The following AK5 variants were observed in gnomAD, a reference collection of about 807,000 sequenced individuals.
AK5 encodes adenylate kinase 5, also known as adenylate kinase isoenzyme 5.
A neutral mutation model predicts 69.5 loss-of-function variants in AK5; 27 were observed. The observed-to-expected ratio is 0.39, with a 90% confidence interval of 0.29 to 0.54. The LOEUF (loss-of-function observed/expected upper bound fraction) is 0.54, where lower values mean the gene tolerates loss of function less well. Ranked by LOEUF, AK5 falls within the 20% of genes least tolerant of loss-of-function variation. The probability of loss-of-function intolerance (pLI) is 0.71; values close to 1 mark genes in which losing one functional copy is unlikely to be tolerated. For missense variants in AK5, 531 were observed against 700.4 expected, an observed-to-expected ratio of 0.76 and a Z score of 2.73; for synonymous variants, 260 against 244.4, an observed-to-expected ratio of 1.06 and a Z score of -0.60.
At chr1:77,337,627 AG>A (rs1372452782) in intron 5 of AK5, among the ~76,000 whole-genome samples, 1 of 152,206 alleles carries the variant, frequency 6.6e-6, no homozygotes, top group Non-Finnish European at 1.5e-5. Flanking sequence ...CTTTAACTTC[AG>A]GTAATCTCTT....
chr1:77,483,838 A>G (rs954446513), intron 9 of AK5, among the ~76,000 whole-genome samples: 8 of 152,196 alleles, frequency 5.3e-5, no homozygotes, highest in African/African-American at 1.9e-4. Flanking sequence ...CTACACCAGG[A>G]TTATACTGCT....
intron 13 of AK5, among the ~76,000 whole-genome samples, chr1:77,554,721 T>C (rs1659989650): frequency 6.6e-6 from 1 of 151,542 alleles, no homozygotes; most frequent in Non-Finnish European, 1.5e-5. Context: ...TTCTCCTGCC[T>C]GAGCCTCCCG....
intron 5 of AK5, chr1:77,313,905 G>A: frequency 1.9e-6 from 1 of 528,208 alleles, no homozygotes; most frequent in South Asian, 1.4e-5. Context: ...GACACAGCCT[G>A]TAAGAAAGCA....
intron 8 of AK5, among the ~76,000 whole-genome samples, chr1:77,476,250 T>C (rs1476263692): frequency 6.6e-6 from 1 of 151,036 alleles, no homozygotes; most frequent in East Asian, 1.9e-4. Context: ...GGGGTGTAAC[T>C]AAATTACACA....
intron 8 of AK5, among the ~76,000 whole-genome samples, chr1:77,478,146 C>G (rs1655058951): frequency 6.6e-6 from 1 of 152,158 alleles, no homozygotes; most frequent in Non-Finnish European, 1.5e-5. Context: ...CTCAGAATCT[C>G]AACTACAAGT....
At chr1:77,378,713 G>GA (rs1003681637) in intron 6 of AK5, among the ~76,000 whole-genome samples, 1 of 152,120 alleles carries the variant, frequency 6.6e-6, no homozygotes, top group Admixed American at 6.5e-5. Context: ...GAGAATATGT[G>GA]AAAAAAATAT....
At chr1:77,537,890 T>G (rs771520776) in intron 13 of AK5, among the ~76,000 whole-genome samples, 35 of 152,184 alleles carry the variant, frequency 2.3e-4, no homozygotes, top group Non-Finnish European at 4.3e-4. Context: ...CCCAGCACTG[T>G]TTCTCAGTCA....
intron 8 of AK5, among the ~76,000 whole-genome samples, chr1:77,445,088 A>G (rs1345344915): frequency 6.6e-6 from 1 of 152,166 alleles, no homozygotes; most frequent in Non-Finnish European, 1.5e-5. Flanking sequence ...AAATGCTGCA[A>G]TGAGCATGGC....
chr1:77,399,097 A>G (rs1463751383), intron 6 of AK5, among the ~76,000 whole-genome samples: 4 of 152,164 alleles, frequency 2.6e-5, no homozygotes, highest in African/African-American at 4.8e-5. Context: ...GCTACCCCCA[A>G]TAGAAGTAAG....
intron 6 of AK5, among the ~76,000 whole-genome samples, chr1:77,344,196 C>G (rs1370516492): frequency 6.6e-6 from 1 of 152,182 alleles, no homozygotes; most frequent in Admixed American, 6.5e-5. Context: ...CATGCTGTTG[C>G]TTGAATACTG....
intron 10 of AK5, among the ~76,000 whole-genome samples, chr1:77,516,228 C>T (rs1190514895): frequency 6.6e-6 from 1 of 152,154 alleles, no homozygotes; most frequent in East Asian, 1.9e-4. Context: ...AAGACAAATA[C>T]TGCATGATCT....
intron 5 of AK5, among the ~76,000 whole-genome samples, chr1:77,338,237 A>G (rs554885551): frequency 5.6e-4 from 85 of 152,208 alleles, no homozygotes; most frequent in Non-Finnish European, 1.1e-3. Context: ...TGCTGGGATT[A>G]CAGGCATGAG....
At chr1:77,399,859 A>C (rs1649087694) in intron 6 of AK5, among the ~76,000 whole-genome samples, 1 of 152,218 alleles carries the variant, frequency 6.6e-6, no homozygotes, top group African/African-American at 2.4e-5. Context: ...AGTCAACAAT[A>C]GACAAAGAGG....
At chr1:77,287,624 C>A (rs1658433332) in intron 2 of AK5, among the ~76,000 whole-genome samples, 1 of 152,160 alleles carries the variant, frequency 6.6e-6, no homozygotes, top group African/African-American at 2.4e-5. Context: ...CAAGTTAAAT[C>A]TAAAGGAGTT....
chr1:77,522,444 G>A (rs755882623), intron 12 of AK5, among the ~76,000 whole-genome samples: 1 of 152,208 alleles, frequency 6.6e-6, no homozygotes, highest in Non-Finnish European at 1.5e-5. Flanking sequence ...AGGATGGGAA[G>A]GGAGGAGGGA....
chr1:77,549,379 A>G (rs891175030), intron 13 of AK5, among the ~76,000 whole-genome samples: 1 of 152,122 alleles, frequency 6.6e-6, no homozygotes, highest in African/African-American at 2.4e-5. Context: ...ACAGGCATGC[A>G]GTATGTTAGG....
intron 8 of AK5, among the ~76,000 whole-genome samples, chr1:77,447,192 G>A (rs1211458109): frequency 6.6e-6 from 1 of 152,254 alleles, no homozygotes; most frequent in Non-Finnish European, 1.5e-5. Context: ...AGGGCTAATT[G>A]ATTCTGTAAG....
intron 8 of AK5, among the ~76,000 whole-genome samples, chr1:77,465,944 C>T (rs1231555580): frequency 6.6e-6 from 1 of 152,190 alleles, no homozygotes; most frequent in Admixed American, 6.5e-5. Context: ...AACCTCCAGG[C>T]CATGCTTTAC....
chr1:77,390,282 A>G (rs1648336317), intron 6 of AK5, among the ~76,000 whole-genome samples: 2 of 152,238 alleles, frequency 1.3e-5, no homozygotes, highest in South Asian at 4.1e-4. Flanking sequence ...TCCCTGTACC[A>G]GGCATTCATC....
Sources: gnomAD v4.1 joint callset for allele counts (sites outside exome capture counted in the v4.1 genomes callset) on GRCh38, gnomAD v4.1.1 for gene constraint, MANE v1.5 for transcripts, NCBI Gene and HGNC (gene_info 2026-07-23, HGNC 2026-07-21) for gene names.